ZNF385D: variants seen among roughly 807,000 people sequenced by gnomAD.
ZNF385D encodes zinc finger protein 659.
In ZNF385D, 15 loss-of-function variants were observed where a neutral mutation model predicts 35.8. That is an observed-to-expected ratio of 0.42 (90% confidence interval 0.28 to 0.64). ZNF385D has a LOEUF of 0.64. Ranked by LOEUF, ZNF385D falls within the 30% of genes least tolerant of loss-of-function variation. The pLI is 0.23. For missense variants in ZNF385D, 474 were observed against 494.6 expected (o/e 0.96, Z 0.39); for synonymous variants, 212 against 186.8 (o/e 1.13, Z -1.10).
chr3:21,889,371 T>G (rs1351929410), intron 3 of ZNF385D, among the ~76,000 whole-genome samples: 3 of 152,054 alleles, frequency 2.0e-5, no homozygotes, highest in African/African-American at 7.2e-5. Flanking sequence ...TAGCCTGAAT[T>G]AGCACTGTAA....
At chr3:21,723,497 G>A (rs183047198) in intron 1 of ZNF385D, among the ~76,000 whole-genome samples, 34 of 152,178 alleles carry the variant, frequency 2.2e-4, no homozygotes, top group Admixed American at 1.2e-3. Flanking sequence ...TGAGAACTTC[G>A]TGAAGCATAC....
intron 2 of ZNF385D, among the ~76,000 whole-genome samples, chr3:22,204,924 A>C (rs1053272366): frequency 4.0e-5 from 6 of 150,380 alleles, no homozygotes; most frequent in Admixed American, 1.3e-4. Context: ...ATAGAGAGAG[A>C]GAGCCTGGGG....
intron 3 of ZNF385D, among the ~76,000 whole-genome samples, chr3:22,072,855 A>G (rs1414922184): frequency 1.3e-5 from 2 of 152,032 alleles, no homozygotes; most frequent in African/African-American, 4.8e-5. Flanking sequence ...CCTAGAATAC[A>G]TATTCTTCCC....
chr3:22,185,117 A>G (rs1348414751), intron 2 of ZNF385D, among the ~76,000 whole-genome samples: 4 of 152,168 alleles, frequency 2.6e-5, no homozygotes, highest in African/African-American at 9.6e-5. Context: ...CCAATGAGAG[A>G]GCAATCTACT....
chr3:21,740,699 G>C (rs536821878), intron 1 of ZNF385D, among the ~76,000 whole-genome samples: 15 of 152,272 alleles, frequency 9.9e-5, no homozygotes, highest in African/African-American at 3.4e-4. Context: ...TTTGAACTCA[G>C]ACTGACTTGG....
intron 3 of ZNF385D, among the ~76,000 whole-genome samples, chr3:22,150,204 ATCC>A (rs1326584313): frequency 6.6e-6 from 1 of 152,152 alleles, no homozygotes; most frequent in African/African-American, 2.4e-5. Flanking sequence ...GTTTAGGAAG[ATCC>A]TCCTTTCTTA....
rs371996786 is a variant in ZNF385D at position 22,147,671 on chromosome 3, G to T, written c.325+21146C>A. On this transcript the variant is annotated intron_variant, in intron 3 of 5. Coordinates refer to the ZNF385D transcript ENST00000494108. ...GAAAAAGATAATATTAGGCACATTAGGCAGTCAAGGATACTGAGGCCCAAG... is the reference window on the plus strand; with the variant it reads ...GAAAAAGATAATATTAGGCACATTATGCAGTCAAGGATACTGAGGCCCAAG... Among the ~76,000 whole-genome samples the T allele has an allele frequency of 2.1e-4, 32 of 152,248 alleles. No individual in the cohort carries two copies. The East Asian group carries it at 3.3e-3, about 16-fold the overall frequency.
At chr3:22,026,595 T>C (rs896981928) in intron 3 of ZNF385D, among the ~76,000 whole-genome samples, 4 of 152,180 alleles carry the variant, frequency 2.6e-5, no homozygotes, top group South Asian at 2.1e-4. Flanking sequence ...ACTCATCCTG[T>C]GGTCATTTCC....
intron 3 of ZNF385D, among the ~76,000 whole-genome samples, chr3:21,558,547 T>G (rs2062824770): frequency 6.6e-6 from 1 of 152,218 alleles, no homozygotes. Context: ...CTTTTGCATT[T>G]GCTGAGTAGT....
intron 3 of ZNF385D, among the ~76,000 whole-genome samples, chr3:21,779,457 T>C (rs747920602): frequency 4.6e-5 from 7 of 151,954 alleles, no homozygotes; most frequent in Non-Finnish European, 8.8e-5. Flanking sequence ...ATAAATTGTA[T>C]GGCCAAAAGC....
At chr3:22,102,526 G>A (rs182437491) in intron 3 of ZNF385D, among the ~76,000 whole-genome samples, 151 of 152,056 alleles carry the variant, frequency 9.9e-4, no homozygotes, top group African/African-American at 3.6e-3. Context: ...TAAAACCAGG[G>A]AAGGCTATCC....
At chr3:21,732,061 T>C in intron 1 of ZNF385D, among the ~76,000 whole-genome samples, 1 of 86,436 alleles carries the variant, frequency 1.2e-5, no homozygotes, top group South Asian at 3.7e-4. Context: ...TTTTTTTTTT[T>C]TTTTTTTTGA....
intron 3 of ZNF385D, among the ~76,000 whole-genome samples, chr3:21,906,255 T>G (rs1300699773): frequency 6.6e-6 from 1 of 152,190 alleles, no homozygotes; most frequent in African/African-American, 2.4e-5. Context: ...CTTCCCAGGT[T>G]TGTTTCTGCT....
intron 2 of ZNF385D, among the ~76,000 whole-genome samples, chr3:22,342,348 C>T (rs192232758): frequency 3.3e-5 from 5 of 150,010 alleles, no homozygotes; most frequent in Admixed American, 2.6e-4. Context: ...ACCAGTTACT[C>T]AGGCTAAAAC....
chr3:21,974,810 TA>T (rs1703489766), intron 3 of ZNF385D, among the ~76,000 whole-genome samples: 1 of 152,060 alleles, frequency 6.6e-6, no homozygotes, highest in African/African-American at 2.4e-5. Flanking sequence ...AACAAGGATA[TA>T]AAAGTGTGCA....
At chr3:21,595,634 A>C (rs1259224912) in intron 2 of ZNF385D, among the ~76,000 whole-genome samples, 1 of 152,058 alleles carries the variant, frequency 6.6e-6, no homozygotes, top group Admixed American at 6.6e-5. Context: ...ACTATTTTTT[A>C]ATTTTTCTCT....
chr3:21,777,943 A>G (rs571393231), intron 3 of ZNF385D, among the ~76,000 whole-genome samples: 36 of 152,022 alleles, frequency 2.4e-4, no homozygotes, highest in Middle Eastern at 3.4e-3. Context: ...CAGCTGAAGC[A>G]AACCCATCCA....
At position 21,762,498 on chromosome 3, in the gene ZNF385D, C is replaced by T. The variant is rs114767042; in HGVS notation, c.326-97470G>A. Among the ~76,000 whole-genome samples the T allele has an allele frequency of 2.1e-3, 314 of 152,266 alleles. 2 individuals are homozygous for T. The highest frequency in any genetic ancestry group is 7.3e-3 in the African/African-American group (305 of 41,558). ...TCATTAGTGACTACTTTCCTTAGGC[C>T]TCAAGACTAATGCCCTTTATCACTT... On this transcript the variant is annotated intron_variant, in intron 3 of 5. Transcript: ENST00000494108.
chr3:21,900,600 C>A (rs1177141217), intron 3 of ZNF385D, among the ~76,000 whole-genome samples: 1 of 151,806 alleles, frequency 6.6e-6, no homozygotes, highest in Admixed American at 6.6e-5. Context: ...TACATGGGGC[C>A]AGAATAAGAA....
Sources: allele counts gnomAD v4.1 joint callset (sites outside exome capture counted in the v4.1 genomes callset), GRCh38; gene constraint gnomAD v4.1.1; transcripts MANE v1.5; gene names NCBI Gene and HGNC (gene_info 2026-07-23, HGNC 2026-07-21).